FAM114A1: variants seen among roughly 807,000 people sequenced by gnomAD.
FAM114A1 encodes the protein family with sequence similarity 114 member A1, also known as protein NOXP20.
A neutral mutation model predicts 64.3 loss-of-function variants in FAM114A1; 62 were observed. The ratio of observed to expected loss-of-function variants is 0.96; its 90% CI spans 0.79 to 1.19. The LOEUF (loss-of-function observed/expected upper bound fraction) is 1.19, where lower values mean the gene tolerates loss of function less well. FAM114A1 is among the 50% of genes most tolerant of loss of function. The pLI is 0.00. For missense variants in FAM114A1, 645 were observed against 676.3 expected (o/e 0.95, Z 0.51); for synonymous variants, 254 against 251.1 (o/e 1.01, Z -0.11).
At chr4:38,897,777 T>TA (rs551318806) in intron 4 of FAM114A1, among the ~76,000 whole-genome samples, 212 of 145,060 alleles carry the variant, frequency 1.5e-3, no homozygotes, top group African/African-American at 3.8e-3. Flanking sequence ...CCATCTCTAC[T>TA]AAAAAAAAAA....
chr4:38,916,506 T>G (rs1230087699), intron 8 of FAM114A1, among the ~76,000 whole-genome samples: 5 of 152,214 alleles, frequency 3.3e-5, no homozygotes, highest in Admixed American at 3.3e-4. Context: ...TTCATGTCCT[T>G]TGCAGGGACA....
chr4:38,884,505 G>T (rs939328882), intron 3 of FAM114A1, among the ~76,000 whole-genome samples: 1 of 152,176 alleles, frequency 6.6e-6, no homozygotes, highest in East Asian at 1.9e-4. Flanking sequence ...AAGCCAGTTT[G>T]GTTGGGCACA....
intron 3 of FAM114A1, among the ~76,000 whole-genome samples, chr4:38,889,047 G>T (rs1172587361): frequency 2.6e-5 from 4 of 152,162 alleles, no homozygotes; most frequent in Non-Finnish European, 5.9e-5. Context: ...TAAAGCAATT[G>T]AAGTAGTCAC....
At chr4:38,921,754 C>T (rs1014283119) in intron 8 of FAM114A1, among the ~76,000 whole-genome samples, 2 of 152,182 alleles carry the variant, frequency 1.3e-5, no homozygotes, top group Non-Finnish European at 2.9e-5. Flanking sequence ...TCCTCTCATG[C>T]CTGTCATAGT....
intron 8 of FAM114A1, among the ~76,000 whole-genome samples, chr4:38,915,317 C>T (rs1356007697): frequency 2.0e-5 from 3 of 152,072 alleles, no homozygotes; most frequent in Non-Finnish European, 4.4e-5. Flanking sequence ...CACCACTATC[C>T]CCCCACCTCA....
intron 13 of FAM114A1, among the ~76,000 whole-genome samples, chr4:38,940,106 G>A (rs1181500095): frequency 6.6e-6 from 1 of 152,014 alleles, no homozygotes; most frequent in African/African-American, 2.4e-5. Context: ...GGCCGGGCTG[G>A]TCTCAAACTC....
In FAM114A1 at chr4:38,940,980, G is replaced by C. The variant is rs1301006983; in HGVS notation, c.1549G>C (p.Ala517Pro). 4 of 1,614,084 alleles carry C rather than the reference G, an allele frequency of 2.5e-6. No individual in the cohort carries two copies. In the Admixed American group the frequency reaches 6.7e-5, roughly 27 times the overall value. ...SLTTVGSNKK[A>P]EVLNPMISSV... The stretch of plus-strand genomic sequence containing the variant: ...TCTGATTCCACAGAGCAACAAGAAG[G>C]CCGAGGTCCTTAACCCCATGATCAG... Residue 517 changes from alanine (A) to proline (P), a missense_variant, in exon 14 of 15, where the codon GCC (alanine) becomes CCC (proline). Ala to Pro is a conservative substitution (Grantham distance 27). Transcript: ENST00000358869.
intron 6 of FAM114A1, 111 bp from the exon 7 acceptor site, chr4:38,908,481 C>A: frequency 9.2e-7 from 1 of 1,087,376 alleles, no homozygotes. Flanking sequence ...AAAATTGTGA[C>A]TTTATATTGA....
intron 9 of FAM114A1, among the ~76,000 whole-genome samples, chr4:38,926,910 T>TTATA (rs1720159632): frequency 6.7e-6 from 1 of 149,378 alleles, no homozygotes; most frequent in African/African-American, 2.4e-5. Flanking sequence ...GAGAACTGGA[T>TTATA]TATATGCTGC....
intron 8 of FAM114A1, among the ~76,000 whole-genome samples, chr4:38,918,209 AG>A (rs1252867351): frequency 2.6e-5 from 4 of 152,186 alleles, no homozygotes; most frequent in Non-Finnish European, 5.9e-5. Flanking sequence ...GGGCAGCAAG[AG>A]CGAAACTCCG....
At chr4:38,884,522 A>G (rs7655069) in intron 3 of FAM114A1, among the ~76,000 whole-genome samples, 42,028 of 152,088 alleles carry the variant, frequency 0.28, 6,165 homozygotes, top group African/African-American at 0.31. Context: ...CACAGCTCTT[A>G]GGGTTTTGTT....
In FAM114A1 at chr4:38,915,080, C is replaced by T; in HGVS notation, c.945+7C>T. ...CAATGAAAGCGAAAGCAAGGTACTT[C>T]TGCACTACTCGTTTGAAATGGCATG... On this transcript the variant is annotated splice_region_variant and intron_variant, in intron 8 of 14. Coordinates refer to ENST00000358869, the MANE Select transcript of FAM114A1 (RefSeq NM_138389.4). 2 of 1,613,020 alleles carry T rather than the reference C, an allele frequency of 1.2e-6. No homozygotes were observed. The highest frequency in any genetic ancestry group is 1.7e-6 in the Non-Finnish European group (2 of 1,179,268).
chr4:38,888,183 C>A (rs896724976), intron 3 of FAM114A1, among the ~76,000 whole-genome samples: 10 of 151,356 alleles, frequency 6.6e-5, no homozygotes, highest in African/African-American at 2.4e-4. Context: ...ATGATAAAGA[C>A]CTTTAAATGG....
rs770599161 is a variant in FAM114A1, at chr4:38,914,973, C to T, written c.845C>T (p.Thr282Met). 7.7e-5 allele frequency: 125 copies of T among 1,613,978 alleles called. No homozygotes were observed. Among genetic ancestry groups the T allele is most frequent in the Non-Finnish European group, 1.0e-4 (119 of 1,180,022 alleles). ...KEKQRLAQQL[T>M]MERTAHYGML... ...AAGCAGAGACTGGCACAGCAGCTCA[C>T]GATGGAGAGAACCGCGCACTACGGG... Residue 282 changes from threonine to methionine, a missense_variant, in exon 8 of 15, where the codon ACG (threonine) becomes ATG (methionine). Physicochemically the swap from Thr to Met is moderately conservative, Grantham distance 81. Transcript: ENST00000358869.
At chr4:38,923,066 ACT>A (rs1480717185) in intron 9 of FAM114A1, among the ~76,000 whole-genome samples, 173 bp downstream of exon 9, 1 of 151,832 alleles carries the variant, frequency 6.6e-6, no homozygotes, top group East Asian at 1.9e-4. Context: ...GATTTATAAG[ACT>A]CTCTTTCACT....
At chr4:38,914,848 TC>T in intron 7 of FAM114A1, 72 bp from the exon 8 acceptor site, 1 of 1,516,532 alleles carries the variant, frequency 6.6e-7, no homozygotes, top group Non-Finnish European at 8.9e-7. Flanking sequence ...CCTCCCAACC[TC>T]CCCCATGTCT....
At chr4:38,884,589 C>G (rs1027841989) in intron 3 of FAM114A1, among the ~76,000 whole-genome samples, 3 of 152,228 alleles carry the variant, frequency 2.0e-5, no homozygotes, top group Admixed American at 2.0e-4. Flanking sequence ...AATCTCACCA[C>G]TACCACATTC....
intron 12 of FAM114A1, among the ~76,000 whole-genome samples, chr4:38,934,129 G>C (rs1720886191): frequency 6.6e-6 from 1 of 152,186 alleles, no homozygotes; most frequent in Admixed American, 6.5e-5. Flanking sequence ...AAAATGCTGA[G>C]GACAATCTCT....
chr4:38,875,959 C>G (rs1218454876), intron 2 of FAM114A1, among the ~76,000 whole-genome samples: 2 of 152,064 alleles, frequency 1.3e-5, no homozygotes, highest in Non-Finnish European at 2.9e-5. Flanking sequence ...GGCTACATTC[C>G]TTATTTGGTT....
Sources: allele counts gnomAD v4.1 joint callset (sites outside exome capture counted in the v4.1 genomes callset), GRCh38; gene constraint gnomAD v4.1.1; transcripts MANE v1.5; gene names NCBI Gene and HGNC (gene_info 2026-07-23, HGNC 2026-07-21).